MTMR7: variants seen among roughly 807,000 people sequenced by gnomAD.
MTMR7 encodes phosphatidylinositol-3-phosphate phosphatase MTMR7.
Under a neutral mutation model 81.2 loss-of-function variants are expected in MTMR7, and 76 were observed. That is an observed-to-expected ratio of 0.94 (90% CI 0.78 to 1.13). MTMR7 has a LOEUF of 1.13. MTMR7 is among the 50% of genes most tolerant of loss of function. MTMR7 has a pLI of 0.00. For missense variants in MTMR7, 1,044 were observed against 820.0 expected, an observed-to-expected ratio of 1.27 and a Z score of -3.34; for synonymous variants, 372 against 289.8, an observed-to-expected ratio of 1.28 and a Z score of -2.88.
At chr8:17,407,818 AATT>A (rs1353935738) in intron 1 of MTMR7, among the ~76,000 whole-genome samples, 2 of 152,190 alleles carry the variant, frequency 1.3e-5, no homozygotes, top group East Asian at 1.9e-4. Context: ...ATAACCAGAA[AATT>A]ATTATTTGCT....
chr8:17,406,720 T>C lies in MTMR7; in HGVS notation c.24+6549A>G, dbSNP rs372437228. Among the ~76,000 whole-genome samples, 19 of 152,298 alleles carry C rather than the reference T, an allele frequency of 1.2e-4. No individual in the cohort carries two copies. The East Asian group carries it at 2.9e-3, about 23-fold the overall frequency. On this transcript the variant is annotated intron_variant, in intron 1 of 13. Transcript: ENST00000180173. ...AAGTTTATAGCAGCATTATTCATAA[T>C]TGCCAAAAAATCTCCCTCAACTGAT...
At chr8:17,390,248 T>A (rs182117419) in intron 1 of MTMR7, among the ~76,000 whole-genome samples, 1 of 151,582 alleles carries the variant, frequency 6.6e-6, no homozygotes, top group Non-Finnish European at 1.5e-5. Context: ...AAGCTTCCAA[T>A]CATGGTGTAA....
At position 17,300,197 on chromosome 8, in the gene MTMR7, ACTGGAC is replaced by A. The variant is rs1436709990; in HGVS notation, c.1642_1647del (p.Val548_Gln549del). 6.2e-7 allele frequency: 1 copy of A among 1,606,544 alleles called. No homozygotes were observed. The highest frequency in any genetic ancestry group is 1.1e-5 in the South Asian group (1 of 90,200). The stretch of plus-strand genomic sequence containing the variant: ...TTACTCTTCACCTTAGTGCAATTTA[ACTGGAC>A]CTTTTGAATTTTTTCCAGCCTCTAA... On this transcript the variant is annotated inframe_deletion, in exon 14 of 14. Coordinates refer to ENST00000180173, the MANE Select transcript of MTMR7 (RefSeq NM_004686.5).
chr8:17,399,560 T>A (rs929111753), intron 1 of MTMR7, among the ~76,000 whole-genome samples: 9 of 152,084 alleles, frequency 5.9e-5, no homozygotes, highest in African/African-American at 2.2e-4. Flanking sequence ...CAACCCAAAG[T>A]AATCTACAAA....
intron 10 of MTMR7, among the ~76,000 whole-genome samples, chr8:17,308,833 T>C (rs1289003634): frequency 6.6e-6 from 1 of 152,136 alleles, no homozygotes; most frequent in Non-Finnish European, 1.5e-5. Context: ...GAAGCCTTCA[T>C]CACCACTCCA....
intron 1 of MTMR7, among the ~76,000 whole-genome samples, chr8:17,406,522 A>T (rs1293554167): frequency 6.6e-6 from 1 of 152,210 alleles, no homozygotes; most frequent in East Asian, 1.9e-4. Context: ...TGGAACCCTT[A>T]CACATTATTG....
At chr8:17,385,759 A>T (rs1261451942) in intron 1 of MTMR7, among the ~76,000 whole-genome samples, 1 of 152,158 alleles carries the variant, frequency 6.6e-6, no homozygotes, top group Non-Finnish European at 1.5e-5. Flanking sequence ...CCATGTAAGA[A>T]GTATCTGCTC....
chr8:17,330,746 C>T (rs189092101), intron 7 of MTMR7, among the ~76,000 whole-genome samples: 36 of 152,256 alleles, frequency 2.4e-4, no homozygotes, highest in Middle Eastern at 3.4e-3. Context: ...ATTCTCCCTT[C>T]GAATGGCCAT....
chr8:17,369,640 T>C (rs574166932), intron 3 of MTMR7, among the ~76,000 whole-genome samples: 13 of 140,110 alleles, frequency 9.3e-5, no homozygotes, highest in Non-Finnish European at 6.3e-5. Context: ...TTTCTTTTTT[T>C]CTTTTTTTTT....
chr8:17,400,362 G>C (rs1038615970), intron 1 of MTMR7, among the ~76,000 whole-genome samples: 6 of 152,192 alleles, frequency 3.9e-5, no homozygotes, highest in African/African-American at 2.4e-5. Flanking sequence ...TTAGTGAGCT[G>C]TAAGAGGCAG....
At chr8:17,407,258 C>A (rs1821614734) in intron 1 of MTMR7, among the ~76,000 whole-genome samples, 2 of 151,138 alleles carry the variant, frequency 1.3e-5, no homozygotes, top group Non-Finnish European at 2.9e-5. Context: ...AAAACTTCAA[C>A]CTCGCTGGTA....
At chr8:17,405,615 A>C (rs935089265) in intron 1 of MTMR7, among the ~76,000 whole-genome samples, 1 of 152,176 alleles carries the variant, frequency 6.6e-6, no homozygotes, top group Admixed American at 6.5e-5. Context: ...CCTCTCTTTC[A>C]AGGCTGTTCA....
intron 1 of MTMR7, among the ~76,000 whole-genome samples, chr8:17,382,322 T>A (rs768075343): frequency 2.6e-5 from 4 of 152,216 alleles, no homozygotes; most frequent in Non-Finnish European, 4.4e-5. Flanking sequence ...CCAGCCACAG[T>A]GGCTCTTTTT....
At chr8:17,301,099 G>A (rs949952800) in intron 13 of MTMR7, among the ~76,000 whole-genome samples, 1 of 152,212 alleles carries the variant, frequency 6.6e-6, no homozygotes, top group African/African-American at 2.4e-5. Flanking sequence ...GGTGTTATAA[G>A]ATCAAGTATT....
intron 6 of MTMR7, among the ~76,000 whole-genome samples, chr8:17,336,311 T>G (rs944596927): frequency 1.3e-4 from 20 of 152,016 alleles, no homozygotes; most frequent in Non-Finnish European, 4.4e-5. Context: ...ATGCTCAACT[T>G]CCTTCCTCAG....
chr8:17,313,121 T>C (rs1441820519), intron 8 of MTMR7, among the ~76,000 whole-genome samples, 171 bp downstream of exon 8: 2 of 152,222 alleles, frequency 1.3e-5, no homozygotes, highest in Non-Finnish European at 2.9e-5. Context: ...AGCATTGTAT[T>C]CTTTCGCAAA....
chr8:17,342,983 C>A (rs1374932711), intron 5 of MTMR7, among the ~76,000 whole-genome samples: 1 of 152,036 alleles, frequency 6.6e-6, no homozygotes, highest in East Asian at 1.9e-4. Context: ...TGTCCGAAGA[C>A]CAGAAATCAA....
In MTMR7 at chr8:17,297,275, A is replaced by C. The variant is rs529658706; in HGVS notation, c.*2587T>G. On this transcript the variant is annotated 3_prime_UTR_variant, in exon 14 of 14. Transcript: ENST00000180173. Reference sequence around the variant, plus strand: ...TTAAAATAGAAGAAAATTCTAAATCAATCAATCAGTGAGATATAAACTAAA... The same window carrying C: ...TTAAAATAGAAGAAAATTCTAAATCCATCAATCAGTGAGATATAAACTAAA... The C allele has an allele frequency of 4.6e-5, 7 of 152,230 alleles. No homozygotes were observed. In the South Asian group the frequency reaches 1.5e-3, roughly 32 times the overall value. The allele number at this position is 152,230 out of a possible 1,614,324, so 9.4% of individuals were successfully genotyped here. A position where few individuals can be genotyped will look rare whatever the true frequency, so the allele number is the denominator to read the frequency against.
intron 7 of MTMR7, among the ~76,000 whole-genome samples, chr8:17,327,675 A>T (rs996092990): frequency 4.6e-5 from 7 of 152,206 alleles, no homozygotes; most frequent in African/African-American, 1.7e-4. Context: ...CAAATATATT[A>T]TGTCTGTCTA....
Sources: gnomAD v4.1 joint callset for allele counts (sites outside exome capture counted in the v4.1 genomes callset) on GRCh38, gnomAD v4.1.1 for gene constraint, MANE v1.5 for transcripts, NCBI Gene and HGNC (gene_info 2026-07-23, HGNC 2026-07-21) for gene names.